The following ADK variants were observed in gnomAD, a reference collection of about 807,000 sequenced individuals.
ADK encodes the protein N6,N6-dimethyladenosine kinase.
In ADK, 24 loss-of-function variants were observed where a neutral mutation model predicts 44.7. The observed-to-expected ratio is 0.54, with a 90% confidence interval of 0.39 to 0.76. The LOEUF (loss-of-function observed/expected upper bound fraction) is 0.76, where lower values mean the gene tolerates loss of function less well. Among genes scored for constraint, ADK ranks in the 30% least tolerant of loss-of-function variants. ADK has a pLI of 0.00. For synonymous variants in ADK, 128 were observed against 142.6 expected (o/e 0.90, Z 0.73); for missense variants, 321 against 425.1 (o/e 0.76, Z 2.15).
chr10:74,643,319 A>T (rs572198597), intron 9 of ADK, among the ~76,000 whole-genome samples: 3 of 152,298 alleles, frequency 2.0e-5, no homozygotes, highest in African/African-American at 7.2e-5. Flanking sequence ...TGCCTTCTTG[A>T]TCACTTTTAC....
At chr10:74,266,483 GAAGGA>G (rs906683400) in intron 3 of ADK, among the ~76,000 whole-genome samples, 2 of 152,062 alleles carry the variant, frequency 1.3e-5, no homozygotes. Context: ...TTGAACCGGG[GAAGGA>G]GAGGTTGCTG....
At chr10:74,532,803 A>C (rs1462106888) in intron 7 of ADK, among the ~76,000 whole-genome samples, 1 of 150,958 alleles carries the variant, frequency 6.6e-6, no homozygotes, top group Non-Finnish European at 1.5e-5. Context: ...TGGGAGGCTG[A>C]GGCAGGAGAA....
At chr10:74,413,281 A>G (rs1008666744) in intron 6 of ADK, among the ~76,000 whole-genome samples, 1 of 152,126 alleles carries the variant, frequency 6.6e-6, no homozygotes, top group Non-Finnish European at 1.5e-5. Flanking sequence ...GAAGCCAAGC[A>G]TTTACTTCTT....
At chr10:74,696,704 T>C (rs1856222275) in intron 10 of ADK, among the ~76,000 whole-genome samples, 1 of 152,198 alleles carries the variant, frequency 6.6e-6, no homozygotes, top group South Asian at 2.1e-4. Flanking sequence ...GTGTATGTTT[T>C]CTATTTATTT....
chr10:74,318,825 A>G (rs1174463420), intron 4 of ADK, among the ~76,000 whole-genome samples: 1 of 152,234 alleles, frequency 6.6e-6, no homozygotes, highest in Admixed American at 6.5e-5. Context: ...AGAACTATAA[A>G]CTAATTCCTA....
At chr10:74,546,868 T>A (rs976825251) in intron 7 of ADK, among the ~76,000 whole-genome samples, 4 of 151,990 alleles carry the variant, frequency 2.6e-5, no homozygotes, top group Non-Finnish European at 5.9e-5. Flanking sequence ...AGCGATTTTT[T>A]AAAAAAAATT....
chr10:74,246,395 A>G (rs961988794), intron 3 of ADK, among the ~76,000 whole-genome samples: 2 of 152,220 alleles, frequency 1.3e-5, no homozygotes, highest in Non-Finnish European at 2.9e-5. Flanking sequence ...ACTTCATTCC[A>G]TAAAGTAGAG....
At chr10:74,359,541 A>G in intron 4 of ADK, among the ~76,000 whole-genome samples, 1 of 152,034 alleles carries the variant, frequency 6.6e-6, no homozygotes, top group Non-Finnish European at 1.5e-5. Flanking sequence ...GACCGTCCCT[A>G]CAAAAAAATA....
intron 1 of ADK, among the ~76,000 whole-genome samples, chr10:74,174,102 A>G (rs1034276419): frequency 6.6e-6 from 1 of 151,172 alleles, no homozygotes; most frequent in Non-Finnish European, 1.5e-5. Flanking sequence ...CAGGAGTTCA[A>G]GCCCAGCCTG....
chr10:74,316,544 A>G lies in ADK; in HGVS notation c.273+1799A>G, dbSNP rs545801302. 2.0e-4 allele frequency among the ~76,000 whole-genome samples: 30 copies of G among 152,286 alleles called. No homozygotes were observed. The South Asian group carries it at 6.2e-3, about 32-fold the overall frequency. On this transcript the variant is annotated intron_variant, in intron 4 of 10. Coordinates refer to ENST00000539909, the MANE Select transcript of ADK (RefSeq NM_006721.4). ...AGGGGCTCTTACCCCTTTGCTCGGC[A>G]TTTCCCATTCTTGCTGCCTTGTAAA... is the stretch of plus-strand genomic sequence containing the variant.
At chr10:74,237,999 T>G (rs910750127) in intron 3 of ADK, among the ~76,000 whole-genome samples, 3 of 151,852 alleles carry the variant, frequency 2.0e-5, no homozygotes, top group Non-Finnish European at 4.4e-5. Flanking sequence ...GAGGCTGAGG[T>G]AGGAGAATCG....
At chr10:74,271,942 CTG>C (rs1846448103) in intron 3 of ADK, among the ~76,000 whole-genome samples, 1 of 152,150 alleles carries the variant, frequency 6.6e-6, no homozygotes, top group Admixed American at 6.5e-5. Context: ...TAGAAACCAA[CTG>C]TACTGCAAAC....
At chr10:74,229,868 T>C (rs1844688139) in intron 3 of ADK, among the ~76,000 whole-genome samples, 1 of 151,850 alleles carries the variant, frequency 6.6e-6, no homozygotes, top group Non-Finnish European at 1.5e-5. Context: ...GAGACTCTTG[T>C]CTCTACAAAA....
chr10:74,395,242 A>G lies in ADK; in HGVS notation c.446+929A>G, dbSNP rs1843467574. Reference sequence around the variant, plus strand: ...TCTTCCTTTCTTTTTTTCCCTTTTCATCCTCCTTTATTTTCTTCCCCCTCT... The same window carrying G: ...TCTTCCTTTCTTTTTTTCCCTTTTCGTCCTCCTTTATTTTCTTCCCCCTCT... On this transcript the variant is annotated intron_variant, in intron 5 of 10. Transcript: ENST00000539909. Among the ~76,000 whole-genome samples, 10 of 149,862 alleles carry G rather than the reference A, an allele frequency of 6.7e-5. 1 individual carries two copies. The South Asian group carries it at 2.1e-3, about 32-fold the overall frequency.
At chr10:74,412,532 G>A (rs1473472420) in intron 6 of ADK, among the ~76,000 whole-genome samples, 1 of 152,120 alleles carries the variant, frequency 6.6e-6, no homozygotes, top group Non-Finnish European at 1.5e-5. Flanking sequence ...AGTCACTATG[G>A]CAGCTATAGC....
chr10:74,200,920 C>G, intron 2 of ADK, 82 bp downstream of exon 2: 1 of 932,874 alleles, frequency 1.1e-6, no homozygotes, highest in South Asian at 1.4e-5. Context: ...GTGAATTTAC[C>G]ACCGAATGTC....
At chr10:74,383,293 G>A (rs943874096) in intron 4 of ADK, among the ~76,000 whole-genome samples, 3 of 152,022 alleles carry the variant, frequency 2.0e-5, no homozygotes, top group African/African-American at 7.3e-5. Context: ...TATATCTTTA[G>A]AATACAGATT....
At chr10:74,494,398 A>G (rs1847605345) in intron 6 of ADK, among the ~76,000 whole-genome samples, 1 of 152,156 alleles carries the variant, frequency 6.6e-6, no homozygotes, top group Non-Finnish European at 1.5e-5. Flanking sequence ...CATAAATAAT[A>G]TTATACAGAT....
chr10:74,349,252 C>A (rs1841878314), intron 4 of ADK, among the ~76,000 whole-genome samples: 1 of 152,098 alleles, frequency 6.6e-6, no homozygotes, highest in African/African-American at 2.4e-5. Context: ...AGAGTGGGGG[C>A]CATTATTCAA....
Sources: gnomAD v4.1 joint callset for allele counts (sites outside exome capture counted in the v4.1 genomes callset) on GRCh38, gnomAD v4.1.1 for gene constraint, MANE v1.5 for transcripts, NCBI Gene and HGNC (gene_info 2026-07-23, HGNC 2026-07-21) for gene names.